GP9: variants seen among roughly 807,000 people sequenced by gnomAD.
The protein encoded by GP9 is glycoprotein IX platelet.
For synonymous variants in GP9, 116 were observed against 116.7 expected, an observed-to-expected ratio of 0.99 and a Z score of 0.04; for missense variants, 228 against 241.8, an observed-to-expected ratio of 0.94 and a Z score of 0.38.
chr3:129,061,128 A>G (rs929708514), intron 1 of GP9, among the ~76,000 whole-genome samples: 4 of 152,136 alleles, frequency 2.6e-5, no homozygotes, highest in African/African-American at 9.7e-5. Flanking sequence ...CTGACACCAC[A>G]CCGGTGGCCC....
upstream of GP9, among the ~76,000 whole-genome samples, chr3:129,059,535 C>T (rs1946553062): frequency 6.6e-6 from 1 of 152,202 alleles, no homozygotes; most frequent in Non-Finnish European, 1.5e-5. Context: ...CCAGGGGACC[C>T]CCAGCAGCAA....
At chr3:129,059,896 G>A (rs755283227), upstream of GP9, among the ~76,000 whole-genome samples, 5 of 152,174 alleles carry the variant, frequency 3.3e-5, no homozygotes, top group South Asian at 4.1e-4. Context: ...TAAAGCCTCC[G>A]TCAGCCTTCT....
chr3:129,055,423 A>T, the GP9 span, among the ~76,000 whole-genome samples: 39 of 152,346 alleles, frequency 2.6e-4, no homozygotes, highest in Non-Finnish European at 5.4e-4. Flanking sequence ...CAAATAAAGC[A>T]TCATCATTCA....
chr3:129,061,430 G>A, intron 1 of GP9, 64 bp from the exon 2 acceptor site: 1 of 501,972 alleles, frequency 2.0e-6, no homozygotes, highest in East Asian at 3.6e-5. Context: ...GCAGGGGATG[G>A]GGTCTCTGCT....
chr3:129,056,461 C>T (rs888979018), upstream of GP9, among the ~76,000 whole-genome samples: 1 of 152,222 alleles, frequency 6.6e-6, no homozygotes, highest in Non-Finnish European at 1.5e-5. Flanking sequence ...AAGCAGTTTG[C>T]CTCATAATAC....
Position 129,061,940 on chromosome 3 carries a change from C to G in GP9, c.201C>G (p.Pro67=). ...CCAACAACAGCCTTCAGTCCGTGCC[C>G]CCGGGAGCCTTTGACCACCTGCCCC... The part of the protein sequence containing the change: ...LLANNSLQSV[P]PGAFDHLPQL... The change falls in exon 3 of 3, where the codon CCC becomes CCG. Residue 67 remains proline, a synonymous_variant. Transcript: ENST00000307395. 6.2e-7 allele frequency: 1 copy of G among 1,613,912 alleles called. No individual in the cohort carries two copies. The highest frequency in any genetic ancestry group is 8.5e-7 in the Non-Finnish European group (1 of 1,179,906).
Position 129,061,519 on chromosome 3 carries a change from G to A in GP9, c.-113G>A, listed in dbSNP as rs1023633466. On this transcript the variant is annotated 5_prime_UTR_variant, in exon 2 of 3. Transcript: ENST00000307395. Reference sequence around the variant, plus strand: ...CCGCCCTCACCGCCCGGCCTTCTACGGTGTCCAGAGACAGTTAGCCAGGCC... The same window carrying A: ...CCGCCCTCACCGCCCGGCCTTCTACAGTGTCCAGAGACAGTTAGCCAGGCC... 3.8e-5 allele frequency: 23 copies of A among 607,664 alleles called. No homozygotes were observed. Among genetic ancestry groups the A allele is most frequent in the Middle Eastern group, 4.4e-4 (1 of 2,296 alleles). 37.6% of individuals were successfully genotyped at this position (607,664 alleles called of 1,614,324 possible).
upstream of GP9, among the ~76,000 whole-genome samples, chr3:129,059,578 G>A (rs1046047011): frequency 6.6e-6 from 1 of 152,204 alleles, no homozygotes; most frequent in Non-Finnish European, 1.5e-5. Context: ...CATCAGTGGG[G>A]GAACAGCACC....
chr3:129,055,340 G>A, the GP9 span, among the ~76,000 whole-genome samples: 20 of 152,288 alleles, frequency 1.3e-4, 1 homozygote, highest in East Asian at 5.8e-4. Flanking sequence ...AAGAAAGTTT[G>A]TATGCTCGAA....
rs1199279640 is a variant in GP9, at chr3:129,061,474, C to A, written c.-138-20C>A. On this transcript the variant is annotated intron_variant, in intron 1 of 2. Coordinates refer to ENST00000307395, the MANE Select transcript of GP9 (RefSeq NM_000174.5). ...GGAAGTCCCTTCCCCTTCCCAAAAA[C>A]AAACTTACCCAATCCACAGCCGCCC... 2 of 576,816 alleles carry A rather than the reference C, an allele frequency of 3.5e-6. No homozygotes were observed. The highest frequency in any genetic ancestry group is 3.8e-5 in the African/African-American group (2 of 53,302). The allele number at this position is 576,816 out of a possible 1,614,324, so 35.7% of individuals were successfully genotyped here. A position where few individuals can be genotyped will look rare whatever the true frequency, so the allele number is the denominator to read the frequency against.
At chr3:129,056,289 G>A (rs948265606), upstream of GP9, among the ~76,000 whole-genome samples, 1 of 152,200 alleles carries the variant, frequency 6.6e-6, no homozygotes, top group Non-Finnish European at 1.5e-5. Context: ...TTCCAAGGGG[G>A]TCCAACAGTG....
upstream of GP9, among the ~76,000 whole-genome samples, chr3:129,057,049 G>A (rs147387328): frequency 2.5e-3 from 388 of 152,308 alleles, 1 homozygote; most frequent in Middle Eastern, 0.017. Flanking sequence ...GATAAGGCCA[G>A]CACTAGAGAA....
chr3:129,061,602 T>C lies in GP9; in HGVS notation c.-30T>C, dbSNP rs886057962. 7 of 743,954 alleles carry C rather than the reference T, an allele frequency of 9.4e-6. No individual in the cohort carries two copies. In the East Asian group the frequency reaches 1.9e-4, roughly 20 times the overall value. 46.1% of individuals were successfully genotyped at this position (743,954 alleles called of 1,614,324 possible). Reference sequence around the variant, plus strand: ...CAGCTGGTTTCCCAGAGGAGAAGGCTGAGACCCGAGAAGGGAGGTGAGTGC... The same window carrying C: ...CAGCTGGTTTCCCAGAGGAGAAGGCCGAGACCCGAGAAGGGAGGTGAGTGC... On this transcript the variant is annotated 5_prime_UTR_variant, in exon 2 of 3. Transcript: ENST00000307395.
chr3:129,060,721 G>C (rs1946564381), upstream of GP9: 2 of 152,512 alleles, frequency 1.3e-5, no homozygotes, highest in Non-Finnish European at 2.9e-5. Context: ...GGATAAGCCA[G>C]GCTATTTTCA....
chr3:129,055,187 G>C, the GP9 span, among the ~76,000 whole-genome samples: 1 of 152,188 alleles, frequency 6.6e-6, no homozygotes, highest in South Asian at 2.1e-4. Context: ...TGGAAGCTCA[G>C]TTTTAAAGTT....
chr3:129,062,308 G>A lies in GP9; in HGVS notation c.*35G>A, dbSNP rs929970506. Reference sequence around the variant, plus strand: ...CCAGAACCCCTGGCTCCAGGCCAGGGGGCCAGTCCCTGAGGCAGGTCCCCA... The same window carrying A: ...CCAGAACCCCTGGCTCCAGGCCAGGAGGCCAGTCCCTGAGGCAGGTCCCCA... On this transcript the variant is annotated 3_prime_UTR_variant, in exon 3 of 3. Coordinates refer to ENST00000307395, the MANE Select transcript of GP9 (RefSeq NM_000174.5). 8 of 1,473,360 alleles carry A rather than the reference G, an allele frequency of 5.4e-6. No individual in the cohort carries two copies. The highest frequency in any genetic ancestry group is 5.0e-5 in the East Asian group (2 of 40,292). The allele number at this position is 1,473,360 out of a possible 1,614,324, so 91.3% of individuals were successfully genotyped here.
upstream of GP9, among the ~76,000 whole-genome samples, chr3:129,056,680 T>C (rs781201930): frequency 7.2e-5 from 11 of 152,164 alleles, no homozygotes; most frequent in Non-Finnish European, 1.5e-4. Context: ...TGCAAACAGA[T>C]AAGCAAACGG....
At chr3:129,058,446 A>G (rs1289125843), upstream of GP9, among the ~76,000 whole-genome samples, 1 of 152,206 alleles carries the variant, frequency 6.6e-6, no homozygotes, top group African/African-American at 2.4e-5. Flanking sequence ...CAGCCTGCTG[A>G]TGGCAGCAGG....
chr3:129,061,495 C>T lies in GP9; in HGVS notation c.-137C>T, dbSNP rs902994561. On this transcript the variant is annotated splice_region_variant and 5_prime_UTR_variant, in exon 2 of 3. Coordinates refer to ENST00000307395, the MANE Select transcript of GP9 (RefSeq NM_000174.5). Reference sequence around the variant, plus strand: ...AAAACAAACTTACCCAATCCACAGCCGCCCTCACCGCCCGGCCTTCTACGG... The same window carrying T: ...AAAACAAACTTACCCAATCCACAGCTGCCCTCACCGCCCGGCCTTCTACGG... 1.3e-5 allele frequency: 8 copies of T among 596,442 alleles called. No individual in the cohort carries two copies. The highest frequency in any genetic ancestry group is 5.8e-5 in the Admixed American group (2 of 34,444). 36.9% of individuals were successfully genotyped at this position (596,442 alleles called of 1,614,324 possible).
Sources: gnomAD v4.1 joint callset for allele counts (sites outside exome capture counted in the v4.1 genomes callset) on GRCh38, gnomAD v4.1.1 for gene constraint, MANE v1.5 for transcripts, NCBI Gene and HGNC (gene_info 2026-07-23, HGNC 2026-07-21) for gene names.